Variants in ARCN1 observed in about 807,000 individuals in gnomAD.
The protein encoded by ARCN1 is coatomer subunit delta.
Under a neutral mutation model 60.4 loss-of-function variants are expected in ARCN1, and 5 were observed. That is an observed-to-expected ratio of 0.08 (90% CI 0.04 to 0.17). The LOEUF is 0.17. Among genes scored for constraint, ARCN1 ranks in the 10% least tolerant of loss-of-function variants. ARCN1 has a pLI of 1.00. For missense variants in ARCN1, 464 were observed against 626.5 expected, an observed-to-expected ratio of 0.74 and a Z score of 2.77; for synonymous variants, 224 against 220.0, an observed-to-expected ratio of 1.02 and a Z score of -0.16.
intron 7 of ARCN1, 40 bp downstream of exon 7, chr11:118,592,896 T>C (rs1565364919): frequency 8.9e-6 from 14 of 1,575,568 alleles, no homozygotes; most frequent in African/African-American, 1.4e-5. Context: ...TAGTTTGCAT[T>C]GAGAACTAGA....
chr11:118,601,778 C>T lies in ARCN1; in HGVS notation c.*1064C>T. ...GTCAATATTAAAGATAGCTGAGAAG[C>T]ACCTTTCAAATGGCACAGTCCCTCT... On this transcript the variant is annotated 3_prime_UTR_variant, in exon 10 of 10. Transcript: ENST00000264028. 1.4e-6 allele frequency: 1 copy of T among 701,190 alleles called. No homozygotes were observed. Among genetic ancestry groups the T allele is most frequent in the Non-Finnish European group, 2.6e-6 (1 of 383,766 alleles). 43.4% of individuals were successfully genotyped at this position (701,190 alleles called of 1,614,324 possible).
chr11:118,572,788 A>C, intron 1 of ARCN1: 1 of 459,670 alleles, frequency 2.2e-6, no homozygotes, highest in Non-Finnish European at 3.9e-6. Context: ...AACCAGCTGG[A>C]CTCCCTCGTT....
At chr11:118,596,125 G>A (rs1451402561) in intron 8 of ARCN1, among the ~76,000 whole-genome samples, 1 of 151,522 alleles carries the variant, frequency 6.6e-6, no homozygotes, top group Non-Finnish European at 1.5e-5. Flanking sequence ...GATAATTCAA[G>A]CCTTTACATT....
intron 7 of ARCN1, among the ~76,000 whole-genome samples, chr11:118,593,122 G>C (rs1398926263): frequency 2.0e-5 from 3 of 152,152 alleles, no homozygotes; most frequent in African/African-American, 7.2e-5. Flanking sequence ...GGAGTGCAGT[G>C]GGGCAATCAT....
At chr11:118,596,959 C>A (rs1330030376) in intron 8 of ARCN1, among the ~76,000 whole-genome samples, 1 of 152,204 alleles carries the variant, frequency 6.6e-6, no homozygotes, top group African/African-American at 2.4e-5. Context: ...CCTGTAATCT[C>A]AGCACTTTGG....
chr11:118,599,376 T>C (rs188043419), intron 9 of ARCN1, among the ~76,000 whole-genome samples: 178 of 146,948 alleles, frequency 1.2e-3, no homozygotes, highest in African/African-American at 4.3e-3. Flanking sequence ...CAGGCGCGAG[T>C]CACCGCGCTC....
At position 118,583,223 on chromosome 11, in the gene ARCN1, G is replaced by C. The variant is rs1355164713; in HGVS notation, c.312G>C (p.Glu104Asp). 6.2e-7 allele frequency: 1 copy of C among 1,614,148 alleles called. No homozygotes were observed. Among genetic ancestry groups the C allele is most frequent in the Admixed American group, 1.7e-5 (1 of 60,024 alleles). The change falls in exon 3 of 10, where the codon GAG (glutamate) becomes GAC (aspartate). Residue 104 changes from glutamate (E) to aspartate (D), a missense_variant. Around this residue, in one of 2 missense-constraint regions of ARCN1, gnomAD observed 105 missense variants for 186.3 expected, o/e 0.56. Coordinates refer to ENST00000264028, the MANE Select transcript of ARCN1 (RefSeq NM_001655.5). ...CRALEENEIS[E>D]HCFDLIFAFD... ...CCTTAGAAGAGAATGAAATATCTGA[G>C]CACTGTTTTGATTTGATTTTTGCTT... is the stretch of plus-strand genomic sequence containing the variant.
In ARCN1 at chr11:118,599,846, T is replaced by C. The variant is rs192662731; in HGVS notation, c.1447-779T>C. 1.1e-4 allele frequency among the ~76,000 whole-genome samples: 17 copies of C among 152,278 alleles called. No individual in the cohort carries two copies. In the East Asian group the frequency reaches 3.1e-3, roughly 28 times the overall value. On this transcript the variant is annotated intron_variant, in intron 9 of 9. Coordinates refer to ENST00000264028, the MANE Select transcript of ARCN1 (RefSeq NM_001655.5). The stretch of plus-strand genomic sequence containing the variant: ...CTTAGCTTCCCATATGGTCTCCGTC[T>C]CCCCTGTAAATGCTTAGAAAATTGC...
Position 118,601,955 on chromosome 11 carries a change from C to T in ARCN1, c.*1241C>T. The T allele has an allele frequency of 5.7e-6, 3 of 523,840 alleles. No individual in the cohort carries two copies. Among genetic ancestry groups the T allele is most frequent in the Non-Finnish European group, 1.0e-5 (3 of 293,416 alleles). The allele number at this position is 523,840 out of a possible 1,614,324, so 32.4% of individuals were successfully genotyped here. On this transcript the variant is annotated 3_prime_UTR_variant, in exon 10 of 10. Coordinates refer to ENST00000264028, the MANE Select transcript of ARCN1 (RefSeq NM_001655.5). ...TAATGGCCACAGTCTGTAATCCATT[C>T]ACATTCCTCAGTTTCACCACCTCCC...
At chr11:118,598,255 G>A (rs1555077508) in intron 9 of ARCN1, among the ~76,000 whole-genome samples, 2 of 151,494 alleles carry the variant, frequency 1.3e-5, no homozygotes, top group East Asian at 1.9e-4. Flanking sequence ...CCCAACACAT[G>A]GTTTTTTTAA....
chr11:118,585,072 TG>T (rs1938748401), intron 5 of ARCN1, among the ~76,000 whole-genome samples: 1 of 152,106 alleles, frequency 6.6e-6, no homozygotes, highest in African/African-American at 2.4e-5. Context: ...GTGATCCGCC[TG>T]ACTCAGCCTC....
At chr11:118,597,956 C>A in intron 9 of ARCN1, 45 bp downstream of exon 9, 1 of 1,593,986 alleles carries the variant, frequency 6.3e-7, no homozygotes, top group East Asian at 2.2e-5. Flanking sequence ...AGTGGTAGGA[C>A]AGTAGGAACA....
chr11:118,588,601 T>G (rs924964591), intron 5 of ARCN1, among the ~76,000 whole-genome samples: 1 of 152,198 alleles, frequency 6.6e-6, no homozygotes, highest in Admixed American at 6.5e-5. Flanking sequence ...TCCTTCCTAC[T>G]CAGGAGGCTG....
chr11:118,581,404 A>G lies in ARCN1; in HGVS notation c.162A>G (p.Val54=), dbSNP rs1555074589. Reference sequence around the variant, plus strand: ...ATACGTTTGTTGAAACAGAGAGTGTAAGATATGTCTACCAGCCTATGGAGA... The same window carrying G: ...ATACGTTTGTTGAAACAGAGAGTGTGAGATATGTCTACCAGCCTATGGAGA... ...KQHTFVETES[V]RYVYQPMEKL... Residue 54 remains valine (V), a synonymous_variant, in exon 2 of 10, where the codon GTA becomes GTG. Coordinates refer to ENST00000264028, the MANE Select transcript of ARCN1 (RefSeq NM_001655.5). 5.0e-6 allele frequency: 8 copies of G among 1,614,112 alleles called. No individual in the cohort carries two copies. In the South Asian group the frequency reaches 5.5e-5, roughly 11 times the overall value.
chr11:118,581,302 G>A lies in ARCN1; in HGVS notation c.60G>A (p.Gln20=), dbSNP rs782304859. ...TKAGKAIVSR[Q]FVEMTRTRIE... The stretch of plus-strand genomic sequence containing the variant: ...CAGGAAAGGCTATTGTTTCTCGACA[G>A]TTTGTGGAAATGACCCGAACTCGGA... The change falls in exon 2 of 10, where the codon CAG becomes CAA. Residue 20 remains glutamine, a synonymous_variant. Transcript: ENST00000264028. 1 of 1,614,242 alleles carries A rather than the reference G, an allele frequency of 6.2e-7. No homozygotes were observed.
At chr11:118,598,043 G>T in intron 9 of ARCN1, 132 bp downstream of exon 9, 2 of 777,700 alleles carry the variant, frequency 2.6e-6, no homozygotes, top group South Asian at 1.8e-5. Flanking sequence ...TCTCCTACAG[G>T]AATTCCCTTT....
At chr11:118,600,362 A>G (rs1423098053) in intron 9 of ARCN1, among the ~76,000 whole-genome samples, 1 of 152,128 alleles carries the variant, frequency 6.6e-6, no homozygotes, top group Non-Finnish European at 1.5e-5. Flanking sequence ...GTGGCCACTC[A>G]TTTTGGAGCT....
chr11:118,583,731 C>A, intron 3 of ARCN1, 78 bp from the exon 4 acceptor site: 1 of 1,460,364 alleles, frequency 6.8e-7, no homozygotes, highest in South Asian at 1.3e-5. Context: ...TGCACTCCAG[C>A]CTGGGTCACA....
intron 5 of ARCN1, among the ~76,000 whole-genome samples, chr11:118,589,751 G>A (rs1938856554): frequency 6.6e-6 from 1 of 152,026 alleles, no homozygotes; most frequent in African/African-American, 2.4e-5. Flanking sequence ...CCCCCTATTG[G>A]CAGACATGTT....
Sources: gnomAD v4.1 joint callset for allele counts (sites outside exome capture counted in the v4.1 genomes callset) on GRCh38, gnomAD v4.1.1 for gene constraint, gnomAD v4.1.1 regional missense constraint, MANE v1.5 for transcripts, NCBI Gene and HGNC (gene_info 2026-07-23, HGNC 2026-07-21) for gene names.